Variants in NEBL observed in about 807,000 individuals in gnomAD.
NEBL encodes LIM and SH3 protein 2.
A neutral mutation model predicts 140.2 loss-of-function variants in NEBL; 122 were observed. The ratio of observed to expected loss-of-function variants is 0.87; its 90% confidence interval spans 0.75 to 1.01. NEBL has a LOEUF of 1.01. Ranked by LOEUF, NEBL falls within the 50% of genes least tolerant of loss-of-function variation. NEBL has a pLI of 0.00. For missense variants in NEBL, 1,365 were observed against 1,231.3 expected, an observed-to-expected ratio of 1.11 and a Z score of -1.62; for synonymous variants, 436 against 398.9, an observed-to-expected ratio of 1.09 and a Z score of -1.11.
rs1022795056 is a variant in NEBL, at chr10:21,069,384, C to A, written c.165-49183G>T. ...CTCCCATGCACCATGTCACATAAAC[C>A]ACAGCCAGTAGAGCACTTGGAAATT... On this transcript the variant is annotated intron_variant, in intron 2 of 6. Transcript: ENST00000417816. Among the ~76,000 whole-genome samples, 8 of 152,268 alleles carry A rather than the reference C, an allele frequency of 5.3e-5. No individual in the cohort carries two copies. In the South Asian group the frequency reaches 8.3e-4, roughly 16 times the overall value.
At chr10:21,067,718 T>C (rs1322806408) in intron 2 of NEBL, among the ~76,000 whole-genome samples, 1 of 152,258 alleles carries the variant, frequency 6.6e-6, no homozygotes, top group Non-Finnish European at 1.5e-5. Flanking sequence ...CGGTGGCTCC[T>C]ATAATCCCAG....
intron 2 of NEBL, among the ~76,000 whole-genome samples, chr10:21,148,799 T>A (rs1840019783): frequency 6.6e-6 from 1 of 152,204 alleles, no homozygotes; most frequent in Non-Finnish European, 1.5e-5. Flanking sequence ...GTGCTGGGAT[T>A]ACAGGTGTGA....
At chr10:21,121,929 C>T (rs1234817772) in intron 2 of NEBL, among the ~76,000 whole-genome samples, 1 of 152,000 alleles carries the variant, frequency 6.6e-6, no homozygotes, top group Non-Finnish European at 1.5e-5. Flanking sequence ...TTTGATATAC[C>T]AATATTAAGG....
chr10:21,018,367 G>A (rs1838644141), intron 3 of NEBL, among the ~76,000 whole-genome samples: 1 of 152,114 alleles, frequency 6.6e-6, no homozygotes, highest in Non-Finnish European at 1.5e-5. Context: ...GAGAAGAAAG[G>A]CACATTGGAT....
chr10:20,826,514 G>C lies in NEBL; in HGVS notation c.1802C>G (p.Ala601Gly), dbSNP rs1424715450. ...TGGGCTATCTTTCACTGCAGTGCCA[G>C]CTCCCACTTCTTTCTTATAAAATAC... ...SAVFYKKEVG[A>G]GTAVKDSPEI... is the part of the protein sequence containing the mutation. Residue 601 changes from alanine to glycine, a missense_variant, in exon 18 of 28, where the codon GCT (alanine) becomes GGT (glycine). By Grantham distance (60) the Ala-to-Gly change is moderately conservative. Around this residue, in one of 2 missense-constraint regions of NEBL, gnomAD observed 1,323 missense variants for 1,154.8 expected, o/e 1.15. Coordinates refer to ENST00000377122, the MANE Select transcript of NEBL (RefSeq NM_006393.3). 3.1e-6 allele frequency: 5 copies of C among 1,611,908 alleles called. No individual in the cohort carries two copies. In the Admixed American group the frequency reaches 5.0e-5, roughly 16 times the overall value.
intron 1 of NEBL, among the ~76,000 whole-genome samples, chr10:21,259,748 C>T (rs1042008901): frequency 1.3e-5 from 2 of 152,142 alleles, no homozygotes; most frequent in Admixed American, 1.3e-4. Context: ...CGTGCGATGG[C>T]TTCAGGGATG....
At chr10:21,238,716 T>TAAAAAAAAAAAAAA (rs35732687) in intron 3 of NEBL, among the ~76,000 whole-genome samples, 1 of 94,502 alleles carries the variant, frequency 1.1e-5, no homozygotes, top group Non-Finnish European at 2.1e-5. Flanking sequence ...TCAAAAAAAT[T>TAAAAAAAAAAAAAA]AAAAAAAAAA....
intron 2 of NEBL, among the ~76,000 whole-genome samples, chr10:21,105,343 T>C (rs541346049): frequency 0.014 from 2,159 of 151,958 alleles, 43 homozygotes; most frequent in African/African-American, 0.049. Context: ...CCCAGTCCCC[T>C]ACCCCCCGAC....
chr10:20,869,867 A>G (rs1844742238), intron 5 of NEBL, 26 bp from the exon 6 acceptor site: 1 of 1,379,500 alleles, frequency 7.2e-7, no homozygotes, highest in Non-Finnish European at 1.0e-6. Flanking sequence ...TTTGGTTAAA[A>G]AATAAATAAA....
chr10:20,844,612 A>T (rs1217513779), intron 12 of NEBL, among the ~76,000 whole-genome samples: 1 of 151,652 alleles, frequency 6.6e-6, no homozygotes, highest in East Asian at 1.9e-4. Context: ...GTGAGCAAAA[A>T]GTGCACCATT....
intron 2 of NEBL, among the ~76,000 whole-genome samples, chr10:21,065,052 A>G (rs762285357): frequency 9.9e-5 from 15 of 152,210 alleles, no homozygotes; most frequent in Non-Finnish European, 2.2e-4. Flanking sequence ...AGTCTGCCCA[A>G]TAATGAGGCA....
rs186145517 is a variant in NEBL at position 20,982,097 on chromosome 10, T to G, written c.250-20318A>C. Reference sequence around the variant, plus strand: ...CCAGGCTAAGACTTAACACAGCTGTTTGTGATCAACGTTCAATTACCCACC... The same window carrying G: ...CCAGGCTAAGACTTAACACAGCTGTGTGTGATCAACGTTCAATTACCCACC... On this transcript the variant is annotated intron_variant, in intron 3 of 6. Coordinates refer to the NEBL transcript ENST00000417816. Among the ~76,000 whole-genome samples, 3 of 152,342 alleles carry G rather than the reference T, an allele frequency of 2.0e-5. No individual in the cohort carries two copies. The East Asian group carries it at 5.8e-4, about 29-fold the overall frequency.
intron 2 of NEBL, among the ~76,000 whole-genome samples, chr10:21,157,098 GAGA>G (rs1840363426): frequency 6.6e-6 from 1 of 152,154 alleles, no homozygotes; most frequent in South Asian, 2.1e-4. Flanking sequence ...GGTGAAAGAA[GAGA>G]AGGTTATTAC....
chr10:21,191,065 C>G (rs1045143917), intron 3 of NEBL, among the ~76,000 whole-genome samples: 2 of 152,078 alleles, frequency 1.3e-5, no homozygotes, highest in African/African-American at 2.4e-5. Flanking sequence ...GATGGAGGAA[C>G]CTTAAACTAC....
intron 7 of NEBL, among the ~76,000 whole-genome samples, chr10:20,865,288 C>A (rs899333969): frequency 6.6e-6 from 1 of 152,112 alleles, no homozygotes; most frequent in Non-Finnish European, 1.5e-5. Context: ...TTTCTATGGG[C>A]CAGGCACCAT....
intron 3 of NEBL, among the ~76,000 whole-genome samples, chr10:21,226,509 G>A (rs963261491): frequency 1.3e-5 from 2 of 152,178 alleles, no homozygotes; most frequent in Non-Finnish European, 2.9e-5. Flanking sequence ...GAGCCCCAGA[G>A]CACTTTAGCC....
At chr10:21,117,760 C>T (rs1838349746) in intron 2 of NEBL, among the ~76,000 whole-genome samples, 1 of 152,096 alleles carries the variant, frequency 6.6e-6, no homozygotes, top group African/African-American at 2.4e-5. Context: ...CGGCTGTTCT[C>T]TCAAATATCA....
intron 2 of NEBL, among the ~76,000 whole-genome samples, chr10:21,154,385 GGAGGTGGAGGTT>G (rs1840257886): frequency 6.6e-6 from 1 of 151,198 alleles, no homozygotes; most frequent in South Asian, 2.1e-4. Context: ...CTTGAACCTG[GGAGGTGGAGGTT>G]GCAATGAGCT....
At chr10:20,927,517 T>C (rs1348167322) in intron 4 of NEBL, among the ~76,000 whole-genome samples, 2 of 152,206 alleles carry the variant, frequency 1.3e-5, no homozygotes, top group African/African-American at 2.4e-5. Context: ...AACTATAAAC[T>C]GTGTATCCTC....
Sources: allele counts gnomAD v4.1 joint callset (sites outside exome capture counted in the v4.1 genomes callset), GRCh38; gene constraint gnomAD v4.1.1; regional missense constraint gnomAD v4.1.1; transcripts MANE v1.5; gene names NCBI Gene and HGNC (gene_info 2026-07-23, HGNC 2026-07-21).